The following MAP3K21 variants were observed in gnomAD, a reference collection of about 807,000 sequenced individuals.
MAP3K21 encodes mitogen-activated protein kinase kinase kinase 21, also known as mitogen-activated protein kinase kinase kinase MLK4.
A neutral mutation model predicts 86.1 loss-of-function variants in MAP3K21; 63 were observed. The ratio of observed to expected loss-of-function variants is 0.73; its 90% CI spans 0.60 to 0.90. The LOEUF is 0.90. MAP3K21 is among the 40% of genes least tolerant of loss of function. The probability of loss-of-function intolerance (pLI) is 0.00; values close to 1 mark genes in which losing one functional copy is unlikely to be tolerated. For missense variants in MAP3K21, 1,220 were observed against 1,367.7 expected (o/e 0.89, Z 1.70); for synonymous variants, 558 against 564.8 (o/e 0.99, Z 0.17).
intron 1 of MAP3K21, among the ~76,000 whole-genome samples, chr1:233,337,458 A>G (rs193020369): frequency 1.3e-5 from 2 of 152,334 alleles, no homozygotes; most frequent in South Asian, 2.1e-4. Flanking sequence ...TGCTTTAAAT[A>G]TTTCCTAATG....
At chr1:233,337,087 T>A (rs1240074716) in intron 1 of MAP3K21, among the ~76,000 whole-genome samples, 15 of 152,174 alleles carry the variant, frequency 9.9e-5, no homozygotes, top group Non-Finnish European at 2.1e-4. Context: ...GACGTGAGGA[T>A]TAAGTGAGAC....
chr1:233,334,963 C>CTTTTTT (rs10640127), intron 1 of MAP3K21, among the ~76,000 whole-genome samples: 11 of 146,648 alleles, frequency 7.5e-5, no homozygotes, highest in East Asian at 3.9e-4. Flanking sequence ...TTCTTTCTTT[C>CTTTTTT]TTTTTTTTTT....
chr1:233,369,872 A>G (rs1663651184), intron 5 of MAP3K21, among the ~76,000 whole-genome samples: 1 of 152,174 alleles, frequency 6.6e-6, no homozygotes, highest in African/African-American at 2.4e-5. Flanking sequence ...GTGACGAGTG[A>G]GAGGAGAATA....
intron 1 of MAP3K21, among the ~76,000 whole-genome samples, chr1:233,339,359 C>CTT: frequency 2.2e-5 from 1 of 44,918 alleles, no homozygotes. Flanking sequence ...TCCCTCTTCT[C>CTT]CTTCTCCTCC....
intron 1 of MAP3K21, among the ~76,000 whole-genome samples, chr1:233,341,083 G>T (rs2102761307): frequency 6.6e-6 from 1 of 152,256 alleles, no homozygotes; most frequent in South Asian, 2.1e-4. Context: ...TAAAGAATGG[G>T]GCTAACGAGG....
chr1:233,346,762 T>G lies in MAP3K21; in HGVS notation c.986+140T>G, dbSNP rs1409197584. 9.5e-6 allele frequency: 7 copies of G among 733,746 alleles called. No individual in the cohort carries two copies. In the East Asian group the frequency reaches 1.7e-4, roughly 17 times the overall value. The allele number at this position is 733,746 out of a possible 1,614,324, so 45.5% of individuals were successfully genotyped here. ...TTTTTATGGTTTTGATCAAAATAAT[T>G]GTAATGACAACGGAACAGATAATTT... On this transcript the variant is annotated intron_variant, in intron 2 of 9. Coordinates refer to ENST00000366624, the MANE Select transcript of MAP3K21 (RefSeq NM_032435.3).
intron 5 of MAP3K21, among the ~76,000 whole-genome samples, chr1:233,370,825 T>G (rs1399849951): frequency 2.6e-5 from 4 of 152,228 alleles, no homozygotes; most frequent in African/African-American, 9.6e-5. Flanking sequence ...ATGAACCATT[T>G]GGGATTGTCT....
chr1:233,355,527 T>C (rs1460703322), intron 4 of MAP3K21, among the ~76,000 whole-genome samples: 1 of 152,218 alleles, frequency 6.6e-6, no homozygotes, highest in African/African-American at 2.4e-5. Context: ...GAGATGGATG[T>C]GGTGTTTGTA....
chr1:233,335,622 T>C (rs1662898108), intron 1 of MAP3K21, among the ~76,000 whole-genome samples: 1 of 152,196 alleles, frequency 6.6e-6, no homozygotes, highest in South Asian at 2.1e-4. Flanking sequence ...ATCTGGGACC[T>C]CTGATCCTGG....
At chr1:233,374,478 C>T (rs901392686) in intron 6 of MAP3K21, among the ~76,000 whole-genome samples, 1 of 152,076 alleles carries the variant, frequency 6.6e-6, no homozygotes, top group African/African-American at 2.4e-5. Context: ...CCGGCCTAAG[C>T]ACATTTATAT....
Position 233,382,422 on chromosome 1 carries a change from T to TCG in MAP3K21, c.2823_2824dup (p.Val942AlafsTer10). ...CCCAAGAAGCACAGCACTGTCCACA[T>TCG]CGTGCCTCAGCGTCGCCCTGCCTCC... On this transcript the variant is annotated frameshift_variant, in exon 10 of 10. Coordinates refer to ENST00000366624, the MANE Select transcript of MAP3K21 (RefSeq NM_032435.3). LOFTEE classifies it low-confidence loss of function (END_TRUNC). 5 of 1,614,144 alleles carry TCG rather than the reference T, an allele frequency of 3.1e-6. No homozygotes were observed. The highest frequency in any genetic ancestry group is 4.2e-6 in the Non-Finnish European group (5 of 1,180,022).
At chr1:233,374,996 T>C (rs542027640) in intron 6 of MAP3K21, among the ~76,000 whole-genome samples, 4 of 151,786 alleles carry the variant, frequency 2.6e-5, no homozygotes, top group South Asian at 4.2e-4. Flanking sequence ...GGCTGGAGTG[T>C]AGTGGCGCGA....
chr1:233,366,654 T>G (rs1468472187), intron 5 of MAP3K21, among the ~76,000 whole-genome samples: 1 of 152,222 alleles, frequency 6.6e-6, no homozygotes, highest in Non-Finnish European at 1.5e-5. Flanking sequence ...CTTAGAGAAT[T>G]TCTCCGAAAC....
In MAP3K21 at chr1:233,383,302, G is replaced by A. The variant is rs1663955115; in HGVS notation, c.*591G>A. The A allele has an allele frequency of 6.6e-6, 1 of 152,292 alleles. No individual in the cohort carries two copies. Among genetic ancestry groups the A allele is most frequent in the South Asian group, 2.1e-4 (1 of 4,784 alleles). 9.4% of individuals were successfully genotyped at this position (152,292 alleles called of 1,614,324 possible). A position where few individuals can be genotyped will look rare whatever the true frequency, so the allele number is the denominator to read the frequency against. On this transcript the variant is annotated 3_prime_UTR_variant, in exon 10 of 10. Transcript: ENST00000366624. ...TTTAAACTACCTAACCTTGGCTGTG[G>A]GCCGATAATGCATATGTCCAGTTCT...
chr1:233,371,617 C>G (rs1663681585), intron 5 of MAP3K21, among the ~76,000 whole-genome samples: 1 of 152,192 alleles, frequency 6.6e-6, no homozygotes, highest in Non-Finnish European at 1.5e-5. Flanking sequence ...ACCTCAGCCT[C>G]CCAAAGTATT....
chr1:233,339,279 C>CCTG (rs1558450914), intron 1 of MAP3K21, among the ~76,000 whole-genome samples: 1 of 103,900 alleles, frequency 9.6e-6, no homozygotes, highest in East Asian at 3.6e-4. Context: ...TCTTCTTCTT[C>CCTG]TTCTTCTTCT....
At position 233,383,351 on chromosome 1, in the gene MAP3K21, TC is replaced by T. The variant is rs1171865594; in HGVS notation, c.*641del. 1 of 148,094 alleles carries T rather than the reference TC, an allele frequency of 6.8e-6. No homozygotes were observed. The highest frequency in any genetic ancestry group is 2.5e-5 in the African/African-American group (1 of 40,410). The allele number at this position is 148,094 out of a possible 1,614,324, so 9.2% of individuals were successfully genotyped here. On this transcript the variant is annotated 3_prime_UTR_variant, in exon 10 of 10. Transcript: ENST00000366624. ...CTCACTTAAATTATGCAATGATATT[TC>T]TCTCTGAGGAAATTATACGGAATGT...
At chr1:233,335,311 C>T (rs1220237601) in intron 1 of MAP3K21, among the ~76,000 whole-genome samples, 1 of 152,124 alleles carries the variant, frequency 6.6e-6, no homozygotes, top group Non-Finnish European at 1.5e-5. Context: ...TTTTAAAATT[C>T]ATCTTCTCCA....
Position 233,379,449 on chromosome 1 carries a change from A to G in MAP3K21, c.2443A>G (p.Met815Val). ...TTTCTCCACAAAGTGCCTGCTGCAG[A>G]TGGACAGTGAAGATCCACTGGTGGA... Reference protein sequence around the residue: ...PSFSTKCLLQMDSEDPLVDSA... With the variant: ...PSFSTKCLLQVDSEDPLVDSA... The change falls in exon 9 of 10, where the codon ATG (methionine) becomes GTG (valine). Residue 815 changes from methionine to valine, a missense_variant. Around this residue, in one of 5 missense-constraint regions of MAP3K21, gnomAD observed 632 missense variants for 691.3 expected, o/e 0.91. Transcript: ENST00000366624. 1.9e-6 allele frequency: 3 copies of G among 1,614,178 alleles called. No individual in the cohort carries two copies. Among genetic ancestry groups the G allele is most frequent in the Non-Finnish European group, 2.5e-6 (3 of 1,180,042 alleles).
Sources: gnomAD v4.1 joint callset for allele counts (sites outside exome capture counted in the v4.1 genomes callset) on GRCh38, gnomAD v4.1.1 for gene constraint, gnomAD v4.1.1 regional missense constraint, MANE v1.5 for transcripts, NCBI Gene and HGNC (gene_info 2026-07-23, HGNC 2026-07-21) for gene names.